Variants in PTPRN2 observed in about 807,000 individuals in gnomAD.
PTPRN2 encodes receptor-type tyrosine-protein phosphatase N2.
In PTPRN2, 74 loss-of-function variants were observed where a neutral mutation model predicts 118.8. The ratio of observed to expected loss-of-function variants is 0.62; its 90% CI spans 0.52 to 0.76. PTPRN2 has a LOEUF of 0.76. PTPRN2 is among the 30% of genes least tolerant of loss of function. The probability of loss-of-function intolerance (pLI) is 0.00; values close to 1 mark genes in which losing one functional copy is unlikely to be tolerated. For missense variants in PTPRN2, 1,481 were observed against 1,394.4 expected (o/e 1.06, Z -0.99); for synonymous variants, 641 against 608.0 (o/e 1.05, Z -0.80).
intron 1 of PTPRN2, among the ~76,000 whole-genome samples, chr7:158,542,422 G>T (rs936062354): frequency 1.3e-5 from 2 of 152,204 alleles, no homozygotes; most frequent in African/African-American, 4.8e-5. Context: ...CAAAGTGATG[G>T]GATTACGGGC....
intron 2 of PTPRN2, among the ~76,000 whole-genome samples, chr7:158,347,530 G>A (rs1563186152): frequency 6.6e-6 from 1 of 152,270 alleles, no homozygotes; most frequent in East Asian, 1.9e-4. Flanking sequence ...TTGAAATCAG[G>A]TGGTGTGATG....
chr7:158,174,955 T>C (rs1263702092), intron 5 of PTPRN2, among the ~76,000 whole-genome samples: 2 of 151,948 alleles, frequency 1.3e-5, no homozygotes, highest in Non-Finnish European at 2.9e-5. Context: ...AACATGCCTC[T>C]CCTGGAGATC....
intron 11 of PTPRN2, among the ~76,000 whole-genome samples, chr7:158,054,585 G>A (rs184411334): frequency 2.0e-4 from 30 of 152,294 alleles, no homozygotes; most frequent in Middle Eastern, 3.4e-3. Flanking sequence ...GTGAGGTCTC[G>A]CAGGTGCAGC....
intron 11 of PTPRN2, among the ~76,000 whole-genome samples, chr7:158,067,301 C>T (rs927727475): frequency 8.5e-5 from 13 of 152,326 alleles, no homozygotes; most frequent in Admixed American, 3.3e-4. Context: ...CCTTCCCTGC[C>T]GCTGCTCCGG....
intron 2 of PTPRN2, among the ~76,000 whole-genome samples, chr7:158,374,883 A>G (rs1195284408): frequency 6.6e-6 from 1 of 152,226 alleles, no homozygotes; most frequent in African/African-American, 2.4e-5. Context: ...TGCATTTGCC[A>G]AAACTCACAG....
rs12669419 is a variant in PTPRN2 at position 158,254,638 on chromosome 7, C to A, written c.278-49365G>T. Among the ~76,000 whole-genome samples, 338 of 40,592 alleles carry A rather than the reference C, an allele frequency of 8.3e-3. 21 individuals are homozygous for A. Among genetic ancestry groups the A allele is most frequent in the Non-Finnish European group, 0.015 (215 of 13,942 alleles). 26.6% of individuals were successfully genotyped at this position (40,592 alleles called of 152,430 possible). The stretch of plus-strand genomic sequence containing the variant: ...ACTGGACAGTGGCACAGAGCCACTG[C>A]CCACGGCACGACCCGCCCTCCATCT... On this transcript the variant is annotated intron_variant, in intron 3 of 22. Coordinates refer to ENST00000389418, the MANE Select transcript of PTPRN2 (RefSeq NM_002847.5).
intron 2 of PTPRN2, among the ~76,000 whole-genome samples, chr7:158,401,388 G>A (rs1016621251): frequency 1.3e-5 from 2 of 152,264 alleles, no homozygotes; most frequent in Non-Finnish European, 2.9e-5. Context: ...CCCAGGAGCC[G>A]CTGGACCCCA....
chr7:158,323,539 T>G lies in PTPRN2; in HGVS notation c.164-6607A>C, dbSNP rs1459862395. 2.6e-5 allele frequency among the ~76,000 whole-genome samples: 4 copies of G among 152,204 alleles called. 1 individual carries two copies. The highest frequency in any genetic ancestry group is 4.4e-5 in the Non-Finnish European group (3 of 68,036). ...GCAAAAGGTTTGCTTAGAGACACTT[T>G]TATTAACAGTAATCTAGAATTGGGT... On this transcript the variant is annotated intron_variant, in intron 2 of 22. Transcript: ENST00000389418.
chr7:157,737,870 TG>T (rs1800395531), intron 12 of PTPRN2, among the ~76,000 whole-genome samples: 1 of 152,212 alleles, frequency 6.6e-6, no homozygotes. Context: ...GGGGAGGACC[TG>T]GTGTCTGGGC....
chr7:158,460,605 G>C (rs115505033), intron 2 of PTPRN2, among the ~76,000 whole-genome samples: 1,771 of 152,248 alleles, frequency 0.012, 29 homozygotes, highest in African/African-American at 0.04. Flanking sequence ...CTGCTACGGG[G>C]GCTGTGTGCC....
At chr7:157,758,444 G>A (rs1801936350) in intron 12 of PTPRN2, among the ~76,000 whole-genome samples, 1 of 152,222 alleles carries the variant, frequency 6.6e-6, no homozygotes, top group Non-Finnish European at 1.5e-5. Flanking sequence ...GGTCAGCTCA[G>A]CCGGGCTGGG....
chr7:158,327,374 CATT>C (rs10531388), intron 2 of PTPRN2, among the ~76,000 whole-genome samples: 49,150 of 145,102 alleles, frequency 0.34, 8,868 homozygotes, highest in Middle Eastern at 0.44. Context: ...GTCACACACA[CATT>C]ATCACATGCA....
chr7:157,788,995 A>G (rs1204464893), intron 12 of PTPRN2, among the ~76,000 whole-genome samples: 1 of 152,176 alleles, frequency 6.6e-6, no homozygotes, highest in Non-Finnish European at 1.5e-5. Context: ...TCCTGCCTCC[A>G]TTTCCCAAGC....
chr7:158,108,572 T>C (rs891388007), intron 10 of PTPRN2, among the ~76,000 whole-genome samples: 2 of 152,174 alleles, frequency 1.3e-5, no homozygotes, highest in African/African-American at 4.8e-5. Flanking sequence ...TTGAACCTGC[T>C]CATTGCATAT....
chr7:158,019,808 C>G (rs1281185050), intron 11 of PTPRN2, among the ~76,000 whole-genome samples: 1 of 152,216 alleles, frequency 6.6e-6, no homozygotes, highest in Non-Finnish European at 1.5e-5. Flanking sequence ...GGACCCTGTG[C>G]TCGGTCTTGA....
chr7:157,884,953 A>T (rs2151293890), intron 12 of PTPRN2, among the ~76,000 whole-genome samples: 1 of 152,202 alleles, frequency 6.6e-6, no homozygotes, highest in Admixed American at 6.5e-5. Flanking sequence ...CCTCTTTGTG[A>T]TTGACCCGTT....
At position 158,535,603 on chromosome 7, in the gene PTPRN2, C is replaced by T. The variant is rs541755878; in HGVS notation, c.113-45818G>A. Among the ~76,000 whole-genome samples the T allele has an allele frequency of 5.9e-5, 9 of 152,168 alleles. No individual in the cohort carries two copies. In the East Asian group the frequency reaches 1.7e-3, roughly 30 times the overall value. On this transcript the variant is annotated intron_variant, in intron 1 of 22. Coordinates refer to ENST00000389418, the MANE Select transcript of PTPRN2 (RefSeq NM_002847.5). Reference sequence around the variant, plus strand: ...CCATGGCACTGAGGACTTCTTGTAGCATTCAGGTGGCTATTGAAATCATAC... The same window carrying T: ...CCATGGCACTGAGGACTTCTTGTAGTATTCAGGTGGCTATTGAAATCATAC...
intron 12 of PTPRN2, among the ~76,000 whole-genome samples, chr7:157,852,623 C>A (rs921932567): frequency 6.6e-6 from 1 of 152,158 alleles, no homozygotes; most frequent in African/African-American, 2.4e-5. Flanking sequence ...GTAATCCCAG[C>A]ACTTTGGGAG....
intron 12 of PTPRN2, among the ~76,000 whole-genome samples, chr7:157,692,873 A>G (rs1033406678): frequency 1.3e-5 from 2 of 151,970 alleles, no homozygotes; most frequent in Non-Finnish European, 2.9e-5. Flanking sequence ...GGCGGCGGGC[A>G]GGTCAGAGAG....
Sources: allele counts gnomAD v4.1 joint callset (sites outside exome capture counted in the v4.1 genomes callset), GRCh38; gene constraint gnomAD v4.1.1; transcripts MANE v1.5; gene names NCBI Gene and HGNC (gene_info 2026-07-23, HGNC 2026-07-21).